PPP1R1C: variants seen among roughly 807,000 people sequenced by gnomAD.
PPP1R1C encodes protein phosphatase 1 regulatory subunit 1C.
A neutral mutation model predicts 17.4 loss-of-function variants in PPP1R1C; 15 were observed. The ratio of observed to expected loss-of-function variants is 0.86; its 90% CI spans 0.58 to 1.33. The LOEUF is 1.33. Ranked by LOEUF, PPP1R1C falls within the 40% of genes most tolerant of loss-of-function variation. The pLI, the probability that PPP1R1C is intolerant of heterozygous loss-of-function variation, is 0.00. For missense variants in PPP1R1C, 143 were observed against 130.0 expected, an observed-to-expected ratio of 1.10 and a Z score of -0.48; for synonymous variants, 35 against 43.1, an observed-to-expected ratio of 0.81 and a Z score of 0.73.
intron 4 of PPP1R1C, among the ~76,000 whole-genome samples, chr2:182,086,718 C>T (rs956550009): frequency 2.6e-5 from 4 of 152,070 alleles, no homozygotes; most frequent in African/African-American, 9.7e-5. Flanking sequence ...AGAATTAAAA[C>T]TATAAGGCTC....
intron 2 of PPP1R1C, among the ~76,000 whole-genome samples, chr2:181,990,772 C>T (rs985733669): frequency 6.6e-6 from 1 of 152,200 alleles, no homozygotes; most frequent in Non-Finnish European, 1.5e-5. Context: ...CGAAAACACT[C>T]ATAAGTGTTA....
chr2:181,966,464 T>C (rs1239368797), intron 1 of PPP1R1C, among the ~76,000 whole-genome samples: 1 of 152,220 alleles, frequency 6.6e-6, no homozygotes, highest in Non-Finnish European at 1.5e-5. Flanking sequence ...TTTTATTGCA[T>C]TGAGGTATGT....
intron 2 of PPP1R1C, among the ~76,000 whole-genome samples, chr2:181,975,447 C>T (rs186704206): frequency 8.9e-4 from 135 of 151,832 alleles, no homozygotes; most frequent in Middle Eastern, 6.8e-3. Context: ...GCTTCATCTT[C>T]GACTGTGTTT....
At chr2:182,087,616 A>G (rs1688666426) in intron 4 of PPP1R1C, among the ~76,000 whole-genome samples, 1 of 152,158 alleles carries the variant, frequency 6.6e-6, no homozygotes, top group Non-Finnish European at 1.5e-5. Context: ...TACTCAGGAA[A>G]TATCTGTTGA....
intron 4 of PPP1R1C, among the ~76,000 whole-genome samples, chr2:182,093,086 A>G (rs1688834688): frequency 6.6e-6 from 1 of 152,234 alleles, no homozygotes; most frequent in Admixed American, 6.5e-5. Flanking sequence ...CCCTGCAGCA[A>G]GCATCTGCCT....
chr2:182,072,073 A>G (rs1574427866), intron 4 of PPP1R1C, among the ~76,000 whole-genome samples: 1 of 152,220 alleles, frequency 6.6e-6, no homozygotes, highest in African/African-American at 2.4e-5. Context: ...GGAGAAATCT[A>G]TCTCCTTGCA....
chr2:182,084,118 G>GT (rs570401009), intron 4 of PPP1R1C, among the ~76,000 whole-genome samples: 38 of 150,610 alleles, frequency 2.5e-4, no homozygotes, highest in Admixed American at 6.0e-4. Flanking sequence ...GATTATTTGT[G>GT]TTTTTTTTTA....
chr2:182,001,175 A>G (rs554364313), intron 2 of PPP1R1C, among the ~76,000 whole-genome samples: 1 of 152,294 alleles, frequency 6.6e-6, no homozygotes, highest in Admixed American at 6.5e-5. Flanking sequence ...AATCATCTCA[A>G]CAAGAATGAA....
chr2:182,078,903 G>C lies in PPP1R1C; in HGVS notation c.241+15112G>C, dbSNP rs550132568. The stretch of plus-strand genomic sequence containing the variant: ...ACAGAATGACACAGAGAATGTCAAA[G>C]AGAAATCATTTCCCTTCCAAACATT... On this transcript the variant is annotated intron_variant, in intron 4 of 4. Coordinates refer to ENST00000682840, the MANE Select transcript of PPP1R1C (RefSeq NM_001080545.3). Among the ~76,000 whole-genome samples, 355 of 152,328 alleles carry C rather than the reference G, an allele frequency of 2.3e-3. 1 individual carries two copies. Among genetic ancestry groups the C allele is most frequent in the Non-Finnish European group, 3.7e-3 (250 of 68,022 alleles).
In PPP1R1C at chr2:181,986,036, G is replaced by A; in HGVS notation, c.-75G>A. The A allele has an allele frequency of 1.8e-6, 2 of 1,141,208 alleles. No individual in the cohort carries two copies. Among genetic ancestry groups the A allele is most frequent in the Non-Finnish European group, 2.7e-6 (2 of 751,476 alleles). 70.7% of individuals were successfully genotyped at this position (1,141,208 alleles called of 1,614,324 possible). ...TGTGGCTTAGTGGAGTGTGTCTGAG[G>A]AAACACATCCCGGACACCACTTAGG... On this transcript the variant is annotated 5_prime_UTR_variant, in exon 1 of 5. Coordinates refer to ENST00000682840, the MANE Select transcript of PPP1R1C (RefSeq NM_001080545.3).
intron 2 of PPP1R1C, among the ~76,000 whole-genome samples, chr2:182,039,769 G>A (rs1201080364): frequency 1.3e-5 from 2 of 152,066 alleles, no homozygotes; most frequent in African/African-American, 2.4e-5. Context: ...AGTGTATATT[G>A]TACCCAATAT....
intron 2 of PPP1R1C, among the ~76,000 whole-genome samples, chr2:182,035,131 G>A (rs965330750): frequency 1.3e-5 from 2 of 152,280 alleles, no homozygotes; most frequent in South Asian, 2.1e-4. Context: ...TAGTTCTGTA[G>A]TCTTGACTGT....
chr2:181,977,707 A>T (rs1365418246), intron 2 of PPP1R1C, among the ~76,000 whole-genome samples: 3 of 152,152 alleles, frequency 2.0e-5, no homozygotes, highest in African/African-American at 7.2e-5. Flanking sequence ...TTTTATGTCC[A>T]TAGTTTCTGT....
At chr2:182,024,918 G>T (rs1324539527) in intron 2 of PPP1R1C, among the ~76,000 whole-genome samples, 1 of 142,564 alleles carries the variant, frequency 7.0e-6, no homozygotes, top group Non-Finnish European at 1.5e-5. Flanking sequence ...GTGGATAGTA[G>T]AAATCCATTA....
intron 1 of PPP1R1C, among the ~76,000 whole-genome samples, chr2:181,963,336 A>T (rs555311238): frequency 1.3e-5 from 2 of 152,328 alleles, no homozygotes; most frequent in East Asian, 3.9e-4. Flanking sequence ...AATACCAAGG[A>T]TAAATATGAA....
chr2:182,073,012 G>C (rs530969932), intron 4 of PPP1R1C, among the ~76,000 whole-genome samples: 1 of 152,080 alleles, frequency 6.6e-6, no homozygotes, highest in South Asian at 2.1e-4. Flanking sequence ...CCTTGCCTCC[G>C]GCCACAGCCT....
At chr2:182,025,994 G>T (rs1175986854) in intron 2 of PPP1R1C, among the ~76,000 whole-genome samples, 2 of 138,268 alleles carry the variant, frequency 1.4e-5, no homozygotes. Context: ...TTTTTTGGCT[G>T]CATAAATGTC....
At chr2:182,107,231 T>C (rs1054136013) in intron 4 of PPP1R1C, among the ~76,000 whole-genome samples, 2 of 148,156 alleles carry the variant, frequency 1.3e-5, no homozygotes, top group Admixed American at 1.4e-4. Flanking sequence ...CAATATGTCA[T>C]GGTCTGAGCA....
intron 4 of PPP1R1C, among the ~76,000 whole-genome samples, chr2:182,110,090 CCTCAAGACAG>C (rs141639480): frequency 0.034 from 5,096 of 152,110 alleles, 247 homozygotes; most frequent in Admixed American, 0.13. Flanking sequence ...ACAGAGTATA[CCTCAAGACAG>C]CTAAAAGACA....
Sources: gnomAD v4.1 joint callset for allele counts (sites outside exome capture counted in the v4.1 genomes callset) on GRCh38, gnomAD v4.1.1 for gene constraint, MANE v1.5 for transcripts, NCBI Gene and HGNC (gene_info 2026-07-23, HGNC 2026-07-21) for gene names.